KPNA1: variants seen among roughly 807,000 people sequenced by gnomAD.
KPNA1 encodes karyopherin subunit alpha 1, also known as importin subunit alpha-5.
KPNA1 carries 10 observed loss-of-function variants against 70.5 expected under a neutral mutation model. The observed-to-expected ratio is 0.14, with a 90% CI of 0.09 to 0.24. The LOEUF (loss-of-function observed/expected upper bound fraction) is 0.24. Ranked by LOEUF, KPNA1 falls within the 10% of genes least tolerant of loss-of-function variation. The pLI, the probability that KPNA1 is intolerant of heterozygous loss-of-function variation, is 1.00. For missense variants in KPNA1, 397 were observed against 637.9 expected (o/e 0.62, Z 4.07); for synonymous variants, 192 against 221.9 (o/e 0.87, Z 1.20).
intron 4 of KPNA1, among the ~76,000 whole-genome samples, chr3:122,463,326 C>T (rs1166646665): frequency 2.8e-5 from 4 of 142,558 alleles, no homozygotes; most frequent in Admixed American, 1.4e-4. Flanking sequence ...CCAGCCTGGG[C>T]GACAGAGTGA....
chr3:122,457,759 C>T (rs1200459080), intron 5 of KPNA1: 25 of 1,289,490 alleles, frequency 1.9e-5, no homozygotes, highest in African/African-American at 3.0e-5. Context: ...GGTTGAGGTA[C>T]GCCTGGTTCC....
chr3:122,460,394 T>C, intron 5 of KPNA1: 2 of 839,302 alleles, frequency 2.4e-6, no homozygotes, highest in African/African-American at 1.8e-5. Context: ...TCCCAGCACT[T>C]TGGGAGGCCA....
chr3:122,452,855 CAG>C (rs1380047245), intron 6 of KPNA1, among the ~76,000 whole-genome samples: 1 of 151,296 alleles, frequency 6.6e-6, no homozygotes, highest in East Asian at 1.9e-4. Context: ...AAAAAAGAGA[CAG>C]AAAGAGAGTA....
intron 10 of KPNA1, 107 bp downstream of exon 10, chr3:122,441,931 A>G (rs2076068758): frequency 1.1e-6 from 1 of 894,626 alleles, no homozygotes; most frequent in Non-Finnish European, 1.8e-6. Flanking sequence ...GTAACAGAGT[A>G]TCAAGTTTCC....
At chr3:122,473,190 C>T (rs188114064) in intron 2 of KPNA1, among the ~76,000 whole-genome samples, 1 of 152,230 alleles carries the variant, frequency 6.6e-6, no homozygotes, top group Non-Finnish European at 1.5e-5. Context: ...AAAACTCACA[C>T]AAGAAACAAT....
At chr3:122,472,857 G>A (rs1314480904) in intron 2 of KPNA1, among the ~76,000 whole-genome samples, 4 of 152,034 alleles carry the variant, frequency 2.6e-5, no homozygotes, top group Non-Finnish European at 5.9e-5. Context: ...GAGGCAGGCA[G>A]ATCACTTGAG....
Position 122,426,919 on chromosome 3 carries a change from G to A in KPNA1, c.*66C>T. The stretch of plus-strand genomic sequence containing the variant: ...AGAAGTTAGCTCCATGAGGACTGTG[G>A]GCTCCACAAGAGGACTCGACTGGGT... On this transcript the variant is annotated 3_prime_UTR_variant, in exon 14 of 14. Transcript: ENST00000344337. 7.8e-7 allele frequency: 1 copy of A among 1,285,952 alleles called. No individual in the cohort carries two copies. The highest frequency in any genetic ancestry group is 1.3e-5 in the South Asian group (1 of 78,518). 79.7% of individuals were successfully genotyped at this position (1,285,952 alleles called of 1,614,324 possible). A position where few individuals can be genotyped will look rare whatever the true frequency, so the allele number is the denominator to read the frequency against.
intron 1 of KPNA1, among the ~76,000 whole-genome samples, chr3:122,509,361 A>T (rs1311699737): frequency 6.6e-6 from 1 of 152,234 alleles, no homozygotes; most frequent in Non-Finnish European, 1.5e-5. Flanking sequence ...TGCCCAAGGA[A>T]TCACAATCTT....
chr3:122,503,613 G>C (rs1314940973), intron 1 of KPNA1, among the ~76,000 whole-genome samples: 1 of 152,146 alleles, frequency 6.6e-6, no homozygotes, highest in Non-Finnish European at 1.5e-5. Context: ...TACCTCATAA[G>C]GTGAAGAACA....
intron 5 of KPNA1, chr3:122,459,743 G>A (rs1446952730): frequency 1.0e-6 from 1 of 985,344 alleles, no homozygotes; most frequent in Non-Finnish European, 1.2e-6. Context: ...AACTGGAGAA[G>A]AAAAACTGAT....
At chr3:122,500,791 A>G (rs1048590342) in intron 1 of KPNA1, among the ~76,000 whole-genome samples, 1 of 152,022 alleles carries the variant, frequency 6.6e-6, no homozygotes, top group Non-Finnish European at 1.5e-5. Flanking sequence ...AGCATATGCC[A>G]CTGTGCCCAG....
intron 4 of KPNA1, among the ~76,000 whole-genome samples, chr3:122,463,478 G>A (rs1484255098): frequency 2.7e-5 from 4 of 149,010 alleles, no homozygotes; most frequent in Non-Finnish European, 4.4e-5. Context: ...CCAAGATCGC[G>A]CCCAGCCTGC....
intron 1 of KPNA1, among the ~76,000 whole-genome samples, chr3:122,501,472 C>A (rs780634179): frequency 4.6e-5 from 7 of 152,260 alleles, no homozygotes; most frequent in Admixed American, 2.0e-4. Context: ...TTCATGGACC[C>A]ATCAGTTATT....
At chr3:122,462,109 AC>A (rs1169170133) in intron 4 of KPNA1, among the ~76,000 whole-genome samples, 10 of 152,136 alleles carry the variant, frequency 6.6e-5, no homozygotes, top group African/African-American at 2.4e-4. Context: ...ATTTATATTA[AC>A]CACGCAGGTA....
intron 8 of KPNA1, 45 bp from the exon 9 acceptor site, chr3:122,449,782 C>T: frequency 6.5e-7 from 1 of 1,539,276 alleles, no homozygotes; most frequent in Non-Finnish European, 8.9e-7. Flanking sequence ...AGACTAAAAG[C>T]CAGAAGTGAG....
Position 122,467,374 on chromosome 3 carries a change from A to C in KPNA1, c.185T>G (p.Met62Arg), listed in dbSNP as rs771734934. Reference sequence around the variant, plus strand: ...AGCCTCATGAAAGCCTCCATCTGACATAACTTCTTCTTCTGTTTCTTCTTC... The same window carrying C: ...AGCCTCATGAAAGCCTCCATCTGACCTAACTTCTTCTTCTGTTTCTTCTTC... ...TAEEETEEEV[M>R]SDGGFHEAQI... The change falls in exon 3 of 14, where the codon ATG (methionine) becomes AGG (arginine). Residue 62 changes from methionine to arginine, a missense_variant. Transcript: ENST00000344337. The C allele has an allele frequency of 6.2e-7, 1 of 1,610,936 alleles. No homozygotes were observed. Among genetic ancestry groups the C allele is most frequent in the Admixed American group, 1.7e-5 (1 of 59,804 alleles).
At chr3:122,476,335 T>A (rs1308998064) in intron 2 of KPNA1, among the ~76,000 whole-genome samples, 3 of 151,994 alleles carry the variant, frequency 2.0e-5, no homozygotes, top group African/African-American at 7.2e-5. Flanking sequence ...CTGTAAAACA[T>A]AGGGAAAAAG....
rs1376281850 is a variant in KPNA1 at position 122,424,545 on chromosome 3, CTGTT to C, written c.*2436_*2439del. On this transcript the variant is annotated 3_prime_UTR_variant, in exon 14 of 14. Transcript: ENST00000344337. ...AACTTCTAGGACAAGATAAATTCCT[CTGTT>C]TTAGACACAAAATAGATCACGTCAG... is the stretch of plus-strand genomic sequence containing the variant. 1 of 152,580 alleles carries C rather than the reference CTGTT, an allele frequency of 6.6e-6. No individual in the cohort carries two copies. The highest frequency in any genetic ancestry group is 2.4e-5 in the African/African-American group (1 of 41,444). 9.5% of individuals were successfully genotyped at this position (152,580 alleles called of 1,614,324 possible). A position where few individuals can be genotyped will look rare whatever the true frequency, so the allele number is the denominator to read the frequency against.
intron 2 of KPNA1, among the ~76,000 whole-genome samples, chr3:122,478,894 C>CAAAAAAAAAAA (rs57843662): frequency 3.7e-4 from 7 of 18,696 alleles, no homozygotes; most frequent in East Asian, 1.6e-3. Flanking sequence ...AACCTCGTCT[C>CAAAAAAAAAAA]AAAAAAAAAA....
Sources: gnomAD v4.1 joint callset for allele counts (sites outside exome capture counted in the v4.1 genomes callset) on GRCh38, gnomAD v4.1.1 for gene constraint, MANE v1.5 for transcripts, NCBI Gene and HGNC (gene_info 2026-07-23, HGNC 2026-07-21) for gene names.